The following TLN2 variants were observed in gnomAD, a reference collection of about 807,000 sequenced individuals.
TLN2 encodes the protein talin 2.
In TLN2, 118 loss-of-function variants were observed where a neutral mutation model predicts 294.7. The observed-to-expected ratio is 0.40, with a 90% CI of 0.34 to 0.47. The LOEUF (loss-of-function observed/expected upper bound fraction) is 0.47. TLN2 is among the 20% of genes least tolerant of loss of function. The pLI is 0.84. For missense variants in TLN2, 3,083 were observed against 3,282.2 expected, an observed-to-expected ratio of 0.94 and a Z score of 1.48; for synonymous variants, 1,431 against 1,304.5, an observed-to-expected ratio of 1.10 and a Z score of -2.09.
intron 1 of TLN2, among the ~76,000 whole-genome samples, chr15:62,504,856 A>T (rs1055296375): frequency 3.2e-4 from 44 of 137,620 alleles, no homozygotes; most frequent in East Asian, 1.7e-3. Context: ...TGAGAGAGAG[A>T]GAGAGAGAGA....
At chr15:62,722,577 AT>A (rs1329997756) in intron 26 of TLN2, 90 bp downstream of exon 26, 29 of 1,402,554 alleles carry the variant, frequency 2.1e-5, no homozygotes, top group Non-Finnish European at 2.5e-5. Context: ...TGCTGAACCT[AT>A]TTCTTGGCAA....
At chr15:62,629,103 G>A (rs928173643) in intron 3 of TLN2, among the ~76,000 whole-genome samples, 1 of 152,122 alleles carries the variant, frequency 6.6e-6, no homozygotes, top group Non-Finnish European at 1.5e-5. Context: ...AGGCAGAGGT[G>A]GGAGGATTGC....
intron 1 of TLN2, among the ~76,000 whole-genome samples, chr15:62,574,534 C>G (rs927731625): frequency 3.3e-5 from 4 of 121,418 alleles, no homozygotes; most frequent in Admixed American, 3.2e-4. Context: ...TGAGCTATAT[C>G]GCACCACTGA....
At chr15:62,570,748 C>G (rs1416045807) in intron 1 of TLN2, among the ~76,000 whole-genome samples, 1 of 152,234 alleles carries the variant, frequency 6.6e-6, no homozygotes, top group African/African-American at 2.4e-5. Flanking sequence ...CACTCGGCCC[C>G]AGTGGTGGAT....
intron 1 of TLN2, among the ~76,000 whole-genome samples, chr15:62,515,917 G>A (rs958515786): frequency 2.4e-4 from 36 of 152,152 alleles, no homozygotes; most frequent in African/African-American, 8.2e-4. Context: ...GGCATGTCCC[G>A]CTGTGCAGTA....
intron 1 of TLN2, among the ~76,000 whole-genome samples, chr15:62,454,382 C>T (rs1195672115): frequency 6.6e-6 from 1 of 152,096 alleles, no homozygotes; most frequent in Non-Finnish European, 1.5e-5. Context: ...ATTTTAATGC[C>T]CAGTGCTTTT....
chr15:62,421,343 G>A (rs2034378593), intron 1 of TLN2, among the ~76,000 whole-genome samples: 1 of 151,974 alleles, frequency 6.6e-6, no homozygotes. Flanking sequence ...GCCCCTACTT[G>A]GTGTTTTTTA....
chr15:62,761,874 G>A (rs2141022025), intron 38 of TLN2, 53 bp downstream of exon 38: 2 of 1,605,462 alleles, frequency 1.2e-6, no homozygotes, highest in Non-Finnish European at 1.7e-6. Context: ...AACTTTGTGT[G>A]GCACCAAATG....
chr15:62,596,662 T>C (rs2046544452), intron 2 of TLN2, among the ~76,000 whole-genome samples: 1 of 151,442 alleles, frequency 6.6e-6, no homozygotes, highest in African/African-American at 2.4e-5. Flanking sequence ...GGCTTGAACT[T>C]GGGAGGTAGA....
chr15:62,550,759 A>C (rs1427554112), intron 1 of TLN2, among the ~76,000 whole-genome samples: 2 of 152,134 alleles, frequency 1.3e-5, no homozygotes, highest in Non-Finnish European at 2.9e-5. Context: ...TTTATTCTGC[A>C]AACTGCTTGG....
chr15:62,551,227 G>C (rs952622908), intron 1 of TLN2, among the ~76,000 whole-genome samples: 5 of 152,130 alleles, frequency 3.3e-5, no homozygotes, highest in East Asian at 3.9e-4. Context: ...AGCTTCGCTT[G>C]CTTGCCCACT....
intron 52 of TLN2, among the ~76,000 whole-genome samples, chr15:62,816,511 C>T (rs774554455): frequency 9.9e-5 from 15 of 152,130 alleles, no homozygotes; most frequent in South Asian, 2.1e-4. Flanking sequence ...ATCTAAAGCT[C>T]GGGTTCTTTA....
intron 9 of TLN2, chr15:62,658,194 A>AAC: frequency 3.7e-6 from 1 of 268,928 alleles, no homozygotes; most frequent in Non-Finnish European, 7.0e-6. Flanking sequence ...CCAAAAAAAA[A>AAC]ACCGCTCCAG....
intron 9 of TLN2, among the ~76,000 whole-genome samples, chr15:62,670,866 T>C (rs2055320063): frequency 6.6e-6 from 1 of 152,224 alleles, no homozygotes; most frequent in Admixed American, 6.5e-5. Flanking sequence ...TACCAAACTT[T>C]TTTACAGCAG....
chr15:62,458,556 C>G (rs571068902), intron 1 of TLN2, among the ~76,000 whole-genome samples: 1 of 144,764 alleles, frequency 6.9e-6, no homozygotes, highest in African/African-American at 2.6e-5. Flanking sequence ...TAAGAAGTAT[C>G]TTCTTGAGGG....
At chr15:62,478,430 C>T (rs959097299) in intron 1 of TLN2, among the ~76,000 whole-genome samples, 4 of 152,124 alleles carry the variant, frequency 2.6e-5, no homozygotes, top group Admixed American at 6.6e-5. Flanking sequence ...AATGTTGCTT[C>T]TATAGCACTG....
chr15:62,511,055 A>G (rs552576450), intron 1 of TLN2, among the ~76,000 whole-genome samples: 2 of 152,212 alleles, frequency 1.3e-5, no homozygotes, highest in African/African-American at 2.4e-5. Context: ...GCTAGGCTCT[A>G]CAGCTAAGTC....
chr15:62,627,551 T>C (rs4238364), intron 3 of TLN2, among the ~76,000 whole-genome samples: 142,001 of 152,306 alleles, frequency 0.93, 66,318 homozygotes, highest in East Asian at 1. Flanking sequence ...AAATGTTGAT[T>C]TGTGCTTCCT....
At chr15:62,698,317 C>T (rs1053438511) in intron 15 of TLN2, among the ~76,000 whole-genome samples, 1 of 152,206 alleles carries the variant, frequency 6.6e-6, no homozygotes, top group Non-Finnish European at 1.5e-5. Context: ...TTCGAAAGCT[C>T]AGGAACAACA....
Sources: gnomAD v4.1 joint callset for allele counts (sites outside exome capture counted in the v4.1 genomes callset) on GRCh38, gnomAD v4.1.1 for gene constraint, MANE v1.5 for transcripts, NCBI Gene and HGNC (gene_info 2026-07-23, HGNC 2026-07-21) for gene names.